Variants in RBFOX1 observed in about 807,000 individuals in gnomAD.
RBFOX1 encodes RNA binding fox-1 homolog 1.
In RBFOX1, 8 loss-of-function variants were observed where a neutral mutation model predicts 57.7. The ratio of observed to expected loss-of-function variants is 0.14; its 90% CI spans 0.08 to 0.25. The LOEUF is 0.25. Ranked by LOEUF, RBFOX1 falls within the 10% of genes least tolerant of loss-of-function variation. The pLI, the probability that RBFOX1 is intolerant of heterozygous loss-of-function variation, is 1.00. For missense variants in RBFOX1, 611 were observed against 548.5 expected (o/e 1.11, Z -1.14); for synonymous variants, 326 against 222.4 (o/e 1.47, Z -4.15).
chr16:7,196,702 C>T (rs1450440611), intron 4 of RBFOX1, among the ~76,000 whole-genome samples: 1 of 152,132 alleles, frequency 6.6e-6, no homozygotes, highest in Non-Finnish European at 1.5e-5. Flanking sequence ...CATCTGTGTA[C>T]AGAGGGTCAG....
intron 2 of RBFOX1, among the ~76,000 whole-genome samples, chr16:6,328,269 C>T (rs553507441): frequency 3.9e-5 from 6 of 152,060 alleles, no homozygotes; most frequent in African/African-American, 1.4e-4. Flanking sequence ...GAACTTTGGG[C>T]ACTGGAGGGG....
chr16:7,279,451 T>C (rs1244737947), intron 4 of RBFOX1, among the ~76,000 whole-genome samples: 2 of 152,238 alleles, frequency 1.3e-5, no homozygotes, highest in South Asian at 4.1e-4. Flanking sequence ...CGGCATTTAC[T>C]GAGTCCTCAC....
Position 6,931,636 on chromosome 16 carries a change from T to A in RBFOX1, c.-15-120421T>A, listed in dbSNP as rs1001173351. On this transcript the variant is annotated intron_variant, in intron 3 of 15. Coordinates refer to ENST00000550418, the MANE Select transcript of RBFOX1 (RefSeq NM_018723.4). The stretch of plus-strand genomic sequence containing the variant: ...CCACAATGCTTTGTCTTTGCCAGCT[T>A]CTATCCCTATTTGAGAGATGAGAAA... Among the ~76,000 whole-genome samples, 21 of 152,120 alleles carry A rather than the reference T, an allele frequency of 1.4e-4. No individual in the cohort carries two copies. The East Asian group carries it at 1.5e-3, about 11-fold the overall frequency.
At chr16:6,759,793 G>A (rs987347288) in intron 3 of RBFOX1, among the ~76,000 whole-genome samples, 7 of 152,156 alleles carry the variant, frequency 4.6e-5, no homozygotes, top group Admixed American at 1.3e-4. Context: ...GTGCCAAGAT[G>A]TGGCTATGAG....
intron 2 of RBFOX1, among the ~76,000 whole-genome samples, chr16:6,456,934 A>T (rs2094788734): frequency 6.6e-6 from 1 of 152,124 alleles, no homozygotes; most frequent in Non-Finnish European, 1.5e-5. Context: ...TGATGTATTA[A>T]CTTGTAGGTA....
At chr16:6,463,444 C>A (rs1010353878) in intron 2 of RBFOX1, among the ~76,000 whole-genome samples, 7 of 152,086 alleles carry the variant, frequency 4.6e-5, no homozygotes, top group Non-Finnish European at 1.0e-4. Flanking sequence ...GATAAGAATT[C>A]CTTACTTTAA....
At chr16:6,173,843 GA>G (rs895165576) in intron 1 of RBFOX1, among the ~76,000 whole-genome samples, 33 of 151,886 alleles carry the variant, frequency 2.2e-4, no homozygotes, top group African/African-American at 8.0e-4. Flanking sequence ...CTCCTGGCCT[GA>G]AGTGATCTGC....
chr16:5,645,279 A>AAC (rs1433286055), intron 3 of RBFOX1, among the ~76,000 whole-genome samples: 13 of 151,330 alleles, frequency 8.6e-5, no homozygotes, highest in African/African-American at 3.2e-4. Context: ...CAAAAACAAA[A>AAC]AAAAAAACAT....
chr16:5,605,050 A>C (rs926260487), downstream of RBFOX1, among the ~76,000 whole-genome samples: 4 of 152,130 alleles, frequency 2.6e-5, no homozygotes, highest in Non-Finnish European at 4.4e-5. Flanking sequence ...CCCGGCCTTC[A>C]TTTCCGCTGA....
At chr16:6,250,725 A>C (rs2097603141) in intron 1 of RBFOX1, among the ~76,000 whole-genome samples, 1 of 152,198 alleles carries the variant, frequency 6.6e-6, no homozygotes, top group African/African-American at 2.4e-5. Flanking sequence ...GAAACAGACC[A>C]GAGAACCAGG....
At chr16:6,171,174 C>T (rs759297696) in intron 1 of RBFOX1, among the ~76,000 whole-genome samples, 1 of 152,102 alleles carries the variant, frequency 6.6e-6, no homozygotes, top group Non-Finnish European at 1.5e-5. Flanking sequence ...CTCTTCTTCC[C>T]TCTCTCCTTC....
At chr16:6,189,235 A>C (rs192245647) in intron 1 of RBFOX1, among the ~76,000 whole-genome samples, 35 of 152,360 alleles carry the variant, frequency 2.3e-4, no homozygotes, top group Admixed American at 1.3e-3. Flanking sequence ...ACAAGCATTG[A>C]GGATGAAGCT....
chr16:6,476,097 A>G (rs2095267712), intron 2 of RBFOX1, among the ~76,000 whole-genome samples: 1 of 152,198 alleles, frequency 6.6e-6, no homozygotes. Context: ...TTATTGGTAC[A>G]ATGTCAGTCA....
chr16:5,815,763 G>A (rs184730902), intron 3 of RBFOX1, among the ~76,000 whole-genome samples: 15 of 152,172 alleles, frequency 9.9e-5, no homozygotes, highest in African/African-American at 3.4e-4. Context: ...CCACGCTTCC[G>A]AACACATTTA....
intron 14 of RBFOX1, among the ~76,000 whole-genome samples, chr16:7,684,943 A>G (rs1451023480): frequency 2.6e-5 from 4 of 151,936 alleles, no homozygotes; most frequent in African/African-American, 9.7e-5. Flanking sequence ...CAAATGGGGG[A>G]AAAGGAGGAT....
At chr16:6,821,160 C>T (rs1450923863) in intron 3 of RBFOX1, among the ~76,000 whole-genome samples, 1 of 152,176 alleles carries the variant, frequency 6.6e-6, no homozygotes, top group African/African-American at 2.4e-5. Flanking sequence ...TGCCCATGTT[C>T]ATGATCTCTT....
intron 3 of RBFOX1, among the ~76,000 whole-genome samples, chr16:7,048,695 A>G (rs1310916963): frequency 4.6e-5 from 7 of 152,132 alleles, no homozygotes; most frequent in East Asian, 1.9e-4. Flanking sequence ...GATAATTCCA[A>G]CATCTTTGCT....
At chr16:6,964,564 T>C (rs977271325) in intron 3 of RBFOX1, among the ~76,000 whole-genome samples, 3 of 152,152 alleles carry the variant, frequency 2.0e-5, no homozygotes, top group Admixed American at 2.0e-4. Flanking sequence ...TGAGGGTATA[T>C]GGGGAATCTC....
At chr16:7,206,138 T>G (rs970035380) in intron 4 of RBFOX1, among the ~76,000 whole-genome samples, 7 of 152,182 alleles carry the variant, frequency 4.6e-5, no homozygotes, top group African/African-American at 1.4e-4. Flanking sequence ...AAACATAATC[T>G]TGTACACACA....
Sources: allele counts gnomAD v4.1 joint callset (sites outside exome capture counted in the v4.1 genomes callset), GRCh38; gene constraint gnomAD v4.1.1; transcripts MANE v1.5; gene names NCBI Gene and HGNC (gene_info 2026-07-23, HGNC 2026-07-21).